Variants in PDE9A observed in about 807,000 individuals in gnomAD.
PDE9A encodes phosphodiesterase 9A.
Under a neutral mutation model 87.4 loss-of-function variants are expected in PDE9A, and 60 were observed. That is an observed-to-expected ratio of 0.69 (90% CI 0.56 to 0.85). The LOEUF (loss-of-function observed/expected upper bound fraction) is 0.85. Ranked by LOEUF, PDE9A falls within the 40% of genes least tolerant of loss-of-function variation. The pLI is 0.00. For synonymous variants in PDE9A, 272 were observed against 279.4 expected (o/e 0.97, Z 0.27); for missense variants, 665 against 779.0 (o/e 0.85, Z 1.74).
intron 1 of PDE9A, among the ~76,000 whole-genome samples, chr21:42,666,620 A>G (rs1254618296): frequency 4.6e-5 from 7 of 152,198 alleles, no homozygotes; most frequent in African/African-American, 1.7e-4. Context: ...CTGGTTCCTG[A>G]GGCCTCTCCT....
intron 4 of PDE9A, among the ~76,000 whole-genome samples, chr21:42,714,819 G>A (rs34022123): frequency 0.022 from 2,839 of 129,092 alleles, 86 homozygotes; most frequent in Middle Eastern, 0.055. Flanking sequence ...TGTTGATATG[G>A]TTGGGGTTAG....
intron 4 of PDE9A, among the ~76,000 whole-genome samples, chr21:42,721,425 A>T (rs1351911662): frequency 6.6e-6 from 1 of 152,172 alleles, no homozygotes; most frequent in Non-Finnish European, 1.5e-5. Flanking sequence ...GTGATCTGGG[A>T]TAGTCCTTTG....
At chr21:42,710,042 C>T (rs1230919749) in intron 4 of PDE9A, among the ~76,000 whole-genome samples, 1 of 152,110 alleles carries the variant, frequency 6.6e-6, no homozygotes, top group Non-Finnish European at 1.5e-5. Flanking sequence ...ATCTTGGGTC[C>T]ACCTAGGAGT....
intron 4 of PDE9A, among the ~76,000 whole-genome samples, chr21:42,709,468 T>A (rs1291291899): frequency 1.3e-5 from 2 of 152,148 alleles, no homozygotes; most frequent in Non-Finnish European, 2.9e-5. Flanking sequence ...TTAAATTAAA[T>A]TTTTTAAAAG....
chr21:42,679,725 C>G (rs137937055), intron 1 of PDE9A, among the ~76,000 whole-genome samples: 2 of 152,240 alleles, frequency 1.3e-5, no homozygotes, highest in African/African-American at 2.4e-5. Flanking sequence ...AGAGTCAAAT[C>G]CAGGAAAATG....
chr21:42,749,636 C>A (rs1164326803), intron 8 of PDE9A, among the ~76,000 whole-genome samples: 1 of 152,254 alleles, frequency 6.6e-6, no homozygotes, highest in African/African-American at 2.4e-5. Context: ...AACTCATCTG[C>A]TAACATTACA....
intron 4 of PDE9A, among the ~76,000 whole-genome samples, chr21:42,726,624 A>ATATATATATATATATATTTT: frequency 5.1e-5 from 1 of 19,778 alleles, no homozygotes; most frequent in Non-Finnish European, 7.5e-5. Flanking sequence ...ATATATATAT[A>ATATATATATATATATATTTT]TTTTTTTTTT....
At chr21:42,687,768 C>A (rs2059556462) in intron 2 of PDE9A, 149 bp from the exon 3 acceptor site, 1 of 636,526 alleles carries the variant, frequency 1.6e-6, no homozygotes, top group Non-Finnish European at 2.8e-6. Context: ...CTGGGGACGG[C>A]CTCCCACCCT....
chr21:42,760,285 C>CG lies in PDE9A; in HGVS notation c.898-40dup, dbSNP rs770059092. 2.5e-5 allele frequency: 30 copies of CG among 1,192,162 alleles called. No individual in the cohort carries two copies. Among genetic ancestry groups the CG allele is most frequent in the Admixed American group, 3.4e-5 (2 of 58,654 alleles). The allele number at this position is 1,192,162 out of a possible 1,614,324, so 73.8% of individuals were successfully genotyped here. On this transcript the variant is annotated intron_variant, in intron 11 of 19. Coordinates refer to ENST00000291539, the MANE Select transcript of PDE9A (RefSeq NM_002606.3). The surrounding 1 kb of genome is among the most constrained non-coding windows in gnomAD (Gnocchi z 5.2). Reference sequence around the variant, plus strand: ...GGGTGGCTTTGGGAGGAGAGGTGGGCGGGCCCAGGCACAGGGTGACTCGGA... The same window carrying CG: ...GGGTGGCTTTGGGAGGAGAGGTGGGCGGGGCCCAGGCACAGGGTGACTCGGA...
At chr21:42,697,568 C>A in intron 3 of PDE9A, 1 of 911,982 alleles carries the variant, frequency 1.1e-6, no homozygotes, top group Non-Finnish European at 1.8e-6. Flanking sequence ...TGAACTTAAA[C>A]AGCTAGACAT....
At chr21:42,769,577 T>G (rs1344467605) in intron 17 of PDE9A, among the ~76,000 whole-genome samples, 4 of 72,300 alleles carry the variant, frequency 5.5e-5, no homozygotes, top group East Asian at 8.5e-4. Flanking sequence ...CACACACACA[T>G]GCACACAGGT....
intron 4 of PDE9A, among the ~76,000 whole-genome samples, chr21:42,711,395 C>T (rs1055712018): frequency 2.0e-5 from 3 of 151,942 alleles, no homozygotes; most frequent in Non-Finnish European, 2.9e-5. Context: ...GGATTACAGG[C>T]GTTTGCCACC....
At chr21:42,679,746 C>G (rs1023617060) in intron 1 of PDE9A, among the ~76,000 whole-genome samples, 2 of 152,166 alleles carry the variant, frequency 1.3e-5, no homozygotes, top group Admixed American at 6.5e-5. Flanking sequence ...CCTCTGGACC[C>G]GGAAAGGAAA....
At chr21:42,767,047 C>T (rs569411820) in intron 15 of PDE9A, among the ~76,000 whole-genome samples, 2 of 152,118 alleles carry the variant, frequency 1.3e-5, no homozygotes, top group Non-Finnish European at 2.9e-5. Context: ...TTTATCCCAA[C>T]GACCTGCACC....
rs145831768 is a variant in PDE9A at position 42,659,894 on chromosome 21, G to T, written c.69+6011G>T. The stretch of plus-strand genomic sequence containing the variant: ...ATCTAGCGCAGAGGAAGGGCACACT[G>T]TCCCCGTCAGACGCCTCAGATGAAC... On this transcript the variant is annotated intron_variant, in intron 1 of 19. Coordinates refer to ENST00000291539, the MANE Select transcript of PDE9A (RefSeq NM_002606.3). The surrounding 1 kb of genome is among the most constrained non-coding windows in gnomAD (Gnocchi z 4.1). Among the ~76,000 whole-genome samples the T allele has an allele frequency of 6.6e-6, 1 of 152,216 alleles. No individual in the cohort carries two copies. Among genetic ancestry groups the T allele is most frequent in the Non-Finnish European group, 1.5e-5 (1 of 68,038 alleles).
chr21:42,768,062 C>A, intron 15 of PDE9A, 126 bp from the exon 16 acceptor site: 1 of 659,564 alleles, frequency 1.5e-6, no homozygotes, highest in Admixed American at 2.3e-5. Flanking sequence ...GGCAGCCAAG[C>A]TCAGTTGCAT....
intron 17 of PDE9A, among the ~76,000 whole-genome samples, chr21:42,769,504 TACACATGC>T (rs1569279556): frequency 1.1e-4 from 2 of 18,628 alleles, no homozygotes; most frequent in South Asian, 3.0e-3. Context: ...GGCACGCAGG[TACACATGC>T]ACACAAGGCA....
chr21:42,688,045 T>C (rs375320592), intron 3 of PDE9A, 51 bp downstream of exon 3: 223 of 1,403,294 alleles, frequency 1.6e-4, no homozygotes, highest in Non-Finnish European at 2.1e-4. Context: ...CTTCTCTCCA[T>C]GACATGGGAG....
chr21:42,744,888 G>A lies in PDE9A; in HGVS notation c.653+1028G>A, dbSNP rs140503919. Among the ~76,000 whole-genome samples, 3 of 152,304 alleles carry A rather than the reference G, an allele frequency of 2.0e-5. No homozygotes were observed. The East Asian group carries it at 5.8e-4, about 29-fold the overall frequency. ...TGTGCGGGCGCTGTGCTTAGTGAGG[G>A]GCACACAGGACCTGCTCACACCTCC... On this transcript the variant is annotated intron_variant, in intron 8 of 19. Coordinates refer to ENST00000291539, the MANE Select transcript of PDE9A (RefSeq NM_002606.3).
Sources: allele counts gnomAD v4.1 joint callset (sites outside exome capture counted in the v4.1 genomes callset), GRCh38; gene constraint gnomAD v4.1.1; non-coding constraint Gnocchi (gnomAD v3.1); transcripts MANE v1.5; gene names NCBI Gene and HGNC (gene_info 2026-07-23, HGNC 2026-07-21).